Variants in PALM2AKAP2 observed in about 807,000 individuals in gnomAD.
The protein encoded by PALM2AKAP2 is PALM2 and AKAP2 fusion.
Under a neutral mutation model 71.5 loss-of-function variants are expected in PALM2AKAP2, and 37 were observed. That is an observed-to-expected ratio of 0.52 (90% CI 0.40 to 0.68). The LOEUF is 0.68. PALM2AKAP2 is among the 30% of genes least tolerant of loss of function. The probability of loss-of-function intolerance (pLI) is 0.00; values close to 1 mark genes in which losing one functional copy is unlikely to be tolerated. For synonymous variants in PALM2AKAP2, 468 were observed against 478.8 expected (o/e 0.98, Z 0.29); for missense variants, 1,224 against 1,191.8 (o/e 1.03, Z -0.40).
intron 2 of PALM2AKAP2, among the ~76,000 whole-genome samples, chr9:109,879,835 C>G (rs527358085): frequency 5.9e-5 from 9 of 152,100 alleles, no homozygotes; most frequent in African/African-American, 2.2e-4. Flanking sequence ...GTAGCTGGGA[C>G]TACAGGCGTG....
At chr9:110,081,116 G>A (rs1477499154) in intron 1 of PALM2AKAP2, among the ~76,000 whole-genome samples, 2 of 152,226 alleles carry the variant, frequency 1.3e-5, no homozygotes, top group Non-Finnish European at 2.9e-5. Context: ...AATGCAGTAA[G>A]TAGGAAGAGG....
chr9:109,992,784 C>T (rs1588048187), intron 6 of PALM2AKAP2, among the ~76,000 whole-genome samples: 1 of 151,988 alleles, frequency 6.6e-6, no homozygotes, highest in Non-Finnish European at 1.5e-5. Flanking sequence ...TTTCCTAATG[C>T]TATGAGTCCT....
At chr9:109,737,922 A>G (rs573568819) in intron 1 of PALM2AKAP2, among the ~76,000 whole-genome samples, 4 of 152,366 alleles carry the variant, frequency 2.6e-5, no homozygotes, top group South Asian at 4.1e-4. Flanking sequence ...GAAACAAAAG[A>G]CATTAGGTGG....
intron 6 of PALM2AKAP2, among the ~76,000 whole-genome samples, chr9:109,975,855 T>C (rs1015681825): frequency 6.6e-6 from 1 of 152,224 alleles, no homozygotes. Flanking sequence ...CCACGGGGCC[T>C]GTGCATTCAG....
At chr9:109,679,828 T>C (rs1272681585) in intron 1 of PALM2AKAP2, among the ~76,000 whole-genome samples, 1 of 152,226 alleles carries the variant, frequency 6.6e-6, no homozygotes, top group Non-Finnish European at 1.5e-5. Context: ...CTTATGCAAG[T>C]ATATGCTCTT....
intron 1 of PALM2AKAP2, among the ~76,000 whole-genome samples, chr9:110,071,997 G>A (rs535953032): frequency 2.6e-5 from 4 of 152,280 alleles, no homozygotes; most frequent in African/African-American, 9.6e-5. Context: ...ACAGTGAAAG[G>A]TGAGTTAGTA....
At chr9:109,702,670 C>G in intron 1 of PALM2AKAP2, among the ~76,000 whole-genome samples, 2 of 151,162 alleles carry the variant, frequency 1.3e-5, no homozygotes, top group East Asian at 3.9e-4. Flanking sequence ...GTGCAGCACA[C>G]CAACATAGCA....
chr9:110,094,302 T>G (rs148881669), intron 1 of PALM2AKAP2, among the ~76,000 whole-genome samples: 1 of 152,230 alleles, frequency 6.6e-6, no homozygotes, highest in Non-Finnish European at 1.5e-5. Context: ...TACATTTTCT[T>G]AGGATAGTGA....
intron 6 of PALM2AKAP2, among the ~76,000 whole-genome samples, chr9:109,964,339 TTTGATCAGGGCA>T (rs770811686): frequency 9.2e-5 from 14 of 152,182 alleles, no homozygotes; most frequent in Non-Finnish European, 1.8e-4. Flanking sequence ...ATTGAAGGTT[TTTGATCAGGGCA>T]GATTGTGCCA....
At position 109,678,212 on chromosome 9, in the gene PALM2AKAP2, C is replaced by T. The variant is rs529116522; in HGVS notation, c.5+37346C>T. On this transcript the variant is annotated intron_variant, in intron 1 of 6. Coordinates refer to the PALM2AKAP2 transcript ENST00000374531. ...AGCAGGTTTTATAGGGATTTTCTTA[C>T]AATACCCCTCACTGAAAGTGGACGG... Among the ~76,000 whole-genome samples, 5 of 152,306 alleles carry T rather than the reference C, an allele frequency of 3.3e-5. No individual in the cohort carries two copies. The South Asian group carries it at 1.0e-3, about 32-fold the overall frequency.
At chr9:109,894,844 A>G (rs1830164549) in intron 3 of PALM2AKAP2, among the ~76,000 whole-genome samples, 1 of 152,022 alleles carries the variant, frequency 6.6e-6, no homozygotes, top group Non-Finnish European at 1.5e-5. Context: ...TTGAACTCCT[A>G]GGCTCAAGCA....
intron 5 of PALM2AKAP2, among the ~76,000 whole-genome samples, chr9:109,930,208 A>G (rs1349863925): frequency 6.6e-6 from 1 of 151,392 alleles, no homozygotes; most frequent in Non-Finnish European, 1.5e-5. Context: ...CTTCTCCCCA[A>G]ATGGTTAATA....
At chr9:109,741,916 T>G (rs1828720305) in intron 1 of PALM2AKAP2, among the ~76,000 whole-genome samples, 1 of 152,208 alleles carries the variant, frequency 6.6e-6, no homozygotes, top group Admixed American at 6.5e-5. Flanking sequence ...AGAAAGTTGC[T>G]GGGGTGTCTT....
At chr9:110,145,923 G>A (rs1287843476) in intron 2 of PALM2AKAP2, among the ~76,000 whole-genome samples, 3 of 116,786 alleles carry the variant, frequency 2.6e-5, no homozygotes, top group African/African-American at 1.0e-4. Flanking sequence ...TTTTGAGATG[G>A]AGTCTCGTTC....
At chr9:109,783,348 C>T (rs759458306) in intron 1 of PALM2AKAP2, among the ~76,000 whole-genome samples, 7 of 151,056 alleles carry the variant, frequency 4.6e-5, no homozygotes, top group Admixed American at 2.0e-4. Flanking sequence ...GACAGAGTCT[C>T]ACTCTGTCAC....
At chr9:109,943,737 C>A in intron 6 of PALM2AKAP2, 1 of 275,078 alleles carries the variant, frequency 3.6e-6, no homozygotes, top group African/African-American at 2.2e-5. Flanking sequence ...GTAGCCTTAA[C>A]TCACTTGACT....
chr9:109,923,517 G>GGCAGT (rs1269027702), intron 3 of PALM2AKAP2, among the ~76,000 whole-genome samples: 5 of 152,236 alleles, frequency 3.3e-5, no homozygotes, highest in Non-Finnish European at 5.9e-5. Context: ...AACCAGTGGA[G>GGCAGT]GCAGTGCTGT....
intron 1 of PALM2AKAP2, among the ~76,000 whole-genome samples, chr9:109,726,785 A>T (rs1564126659): frequency 6.6e-6 from 1 of 152,356 alleles, no homozygotes; most frequent in Admixed American, 6.5e-5. Context: ...AATAGCTACT[A>T]GGCATGCATG....
intron 1 of PALM2AKAP2, among the ~76,000 whole-genome samples, chr9:109,799,787 G>A (rs887805545): frequency 7.2e-5 from 11 of 152,128 alleles, no homozygotes; most frequent in Admixed American, 1.3e-4. Flanking sequence ...GAACCACCGC[G>A]TCGGCCACCA....
Sources: gnomAD v4.1 joint callset for allele counts (sites outside exome capture counted in the v4.1 genomes callset) on GRCh38, gnomAD v4.1.1 for gene constraint, MANE v1.5 for transcripts, NCBI Gene and HGNC (gene_info 2026-07-23, HGNC 2026-07-21) for gene names.